The following TLCD4 variants were observed in gnomAD, a reference collection of about 807,000 sequenced individuals.
TLCD4 encodes the protein TLC domain containing 4.
Under a neutral mutation model 24.2 loss-of-function variants are expected in TLCD4, and 7 were observed. The ratio of observed to expected loss-of-function variants is 0.29; its 90% CI spans 0.16 to 0.54. The LOEUF (loss-of-function observed/expected upper bound fraction) is 0.54, where lower values mean the gene tolerates loss of function less well. Ranked by LOEUF, TLCD4 falls within the 20% of genes least tolerant of loss-of-function variation. TLCD4 has a pLI of 0.95. For missense variants in TLCD4, 259 were observed against 313.9 expected, an observed-to-expected ratio of 0.82 and a Z score of 1.32; for synonymous variants, 103 against 106.4, an observed-to-expected ratio of 0.97 and a Z score of 0.20.
rs1679238830 is a variant in TLCD4 at position 95,197,503 on chromosome 1, A to G, written c.*5635A>G. 6.6e-6 allele frequency: 1 copy of G among 152,266 alleles called. No homozygotes were observed. Among genetic ancestry groups the G allele is most frequent in the African/African-American group, 2.4e-5 (1 of 41,562 alleles). The allele number at this position is 152,266 out of a possible 1,614,324, so 9.4% of individuals were successfully genotyped here. On this transcript the variant is annotated 3_prime_UTR_variant, in exon 7 of 7. Transcript: ENST00000370203. ...AATTACCCTTCTCCCCCTCCCCTCCATGAAAACCTTGGGATTTTCTTGTGC... is the reference window on the plus strand; with the variant it reads ...AATTACCCTTCTCCCCCTCCCCTCCGTGAAAACCTTGGGATTTTCTTGTGC...
chr1:95,162,777 A>G (rs913907421), intron 5 of TLCD4, among the ~76,000 whole-genome samples: 1 of 152,190 alleles, frequency 6.6e-6, no homozygotes, highest in African/African-American at 2.4e-5. Context: ...GTTTAGCTGG[A>G]TATGAAATTC....
chr1:95,092,985 C>T, the TLCD4 span, among the ~76,000 whole-genome samples: 1 of 152,184 alleles, frequency 6.6e-6, no homozygotes, highest in East Asian at 1.9e-4. Flanking sequence ...GTGATCTGCC[C>T]ACCTCAGCCT....
chr1:95,122,497 A>T (rs1676597122), intron 1 of TLCD4, among the ~76,000 whole-genome samples: 1 of 152,090 alleles, frequency 6.6e-6, no homozygotes, highest in Non-Finnish European at 1.5e-5. Context: ...GCCTTATCAG[A>T]TTTTCTTACC....
intron 5 of TLCD4, among the ~76,000 whole-genome samples, chr1:95,167,967 T>A (rs1405732057): frequency 6.6e-6 from 1 of 152,188 alleles, no homozygotes; most frequent in Non-Finnish European, 1.5e-5. Context: ...TTCATTCCTT[T>A]GACTCCGCCA....
At chr1:95,155,057 G>A (rs542358259) in intron 5 of TLCD4, among the ~76,000 whole-genome samples, 41 of 151,650 alleles carry the variant, frequency 2.7e-4, no homozygotes, top group Admixed American at 2.4e-3. Context: ...GTAGGGAAAG[G>A]GTGCCCATTT....
chr1:95,187,643 A>G (rs1204395008), intron 6 of TLCD4, among the ~76,000 whole-genome samples: 2 of 152,036 alleles, frequency 1.3e-5, no homozygotes, highest in Admixed American at 1.3e-4. Flanking sequence ...CACCTGAGGT[A>G]CTGTTTGTCC....
rs529402586 is a variant in TLCD4, at chr1:95,181,585, T to G, written c.473+7696T>G. Among the ~76,000 whole-genome samples, 7 of 150,018 alleles carry G rather than the reference T, an allele frequency of 4.7e-5. No homozygotes were observed. In the South Asian group the frequency reaches 6.3e-4, roughly 13 times the overall value. On this transcript the variant is annotated intron_variant, in intron 6 of 6. Transcript: ENST00000370203. ...ACCTGTTTTAAATTTGTTTAATTAT[T>G]TATTTATTTATTTATTTATTTTTTT...
At chr1:95,094,240 C>A in the TLCD4 span, among the ~76,000 whole-genome samples, 6 of 152,130 alleles carry the variant, frequency 3.9e-5, no homozygotes, top group African/African-American at 7.2e-5. Context: ...AAGCAATCCT[C>A]CCACCTCAGC....
intron 1 of TLCD4, among the ~76,000 whole-genome samples, chr1:95,122,850 A>G (rs1293637928): frequency 1.3e-5 from 2 of 152,248 alleles, no homozygotes; most frequent in East Asian, 3.8e-4. Context: ...AAATCTTTGA[A>G]AAATTAAACT....
At chr1:95,162,597 C>A (rs530569451) in intron 5 of TLCD4, among the ~76,000 whole-genome samples, 1 of 152,150 alleles carries the variant, frequency 6.6e-6, no homozygotes, top group Non-Finnish European at 1.5e-5. Flanking sequence ...TTCATAGCAT[C>A]GATGGTCTTT....
the TLCD4 span, among the ~76,000 whole-genome samples, chr1:95,093,499 AGG>A: frequency 3.9e-5 from 6 of 152,214 alleles, no homozygotes; most frequent in Non-Finnish European, 5.9e-5. Flanking sequence ...CTTCCCCCAG[AGG>A]TACTGACCTT....
intron 5 of TLCD4, among the ~76,000 whole-genome samples, chr1:95,159,282 G>A (rs7550174): frequency 0.36 from 54,591 of 152,138 alleles, 11,350 homozygotes; most frequent in Middle Eastern, 0.55. Context: ...TTTTTCACGT[G>A]TCTGTTGGCT....
chr1:95,105,898 A>AAAAAAAAAAAAAAAAAAAAAAAAAAAAAG, the TLCD4 span, among the ~76,000 whole-genome samples: 1 of 149,418 alleles, frequency 6.7e-6, no homozygotes, highest in African/African-American at 2.4e-5. Context: ...CCGTCTTAAA[A>AAAAAAAAAAAAAAAAAAAAAAAAAAAAAG]AAAAAAAAAA....
chr1:95,146,235 ATTG>A (rs1392575760), intron 2 of TLCD4, among the ~76,000 whole-genome samples: 1 of 152,096 alleles, frequency 6.6e-6, no homozygotes, highest in Non-Finnish European at 1.5e-5. Context: ...AAAGTGAGAA[ATTG>A]TTGTACTGAA....
intron 6 of TLCD4, among the ~76,000 whole-genome samples, chr1:95,187,290 T>C (rs1225445856): frequency 1.3e-5 from 2 of 152,182 alleles, no homozygotes; most frequent in Non-Finnish European, 2.9e-5. Flanking sequence ...AAGTCCATAC[T>C]TTGTGTGGAT....
the TLCD4 span, among the ~76,000 whole-genome samples, chr1:95,110,486 T>C: frequency 1.3e-5 from 2 of 152,118 alleles, no homozygotes; most frequent in Non-Finnish European, 2.9e-5. Flanking sequence ...TTATGTTAAA[T>C]TCATTGAATG....
At chr1:95,185,619 T>C (rs192873243) in intron 6 of TLCD4, among the ~76,000 whole-genome samples, 1 of 152,352 alleles carries the variant, frequency 6.6e-6, no homozygotes, top group East Asian at 1.9e-4. Context: ...ACGACGAGAA[T>C]GAAGACCTTT....
intron 6 of TLCD4, among the ~76,000 whole-genome samples, chr1:95,182,181 C>A (rs1432784991): frequency 6.7e-6 from 1 of 149,170 alleles, no homozygotes; most frequent in African/African-American, 2.5e-5. Flanking sequence ...CTGTCAGTTG[C>A]TTTTCTTTAT....
chr1:95,162,484 T>C (rs1255800292), intron 5 of TLCD4, among the ~76,000 whole-genome samples: 1 of 152,058 alleles, frequency 6.6e-6, no homozygotes, highest in Non-Finnish European at 1.5e-5. Flanking sequence ...TTTAATTGGC[T>C]CATTTAGCAC....
Sources: allele counts gnomAD v4.1 joint callset (sites outside exome capture counted in the v4.1 genomes callset), GRCh38; gene constraint gnomAD v4.1.1; transcripts MANE v1.5; gene names NCBI Gene and HGNC (gene_info 2026-07-23, HGNC 2026-07-21).